Variants in NT5E observed in about 807,000 individuals in gnomAD.
NT5E encodes the protein 5'-nucleotidase ecto.
Under a neutral mutation model 55.1 loss-of-function variants are expected in NT5E, and 53 were observed. The observed-to-expected ratio is 0.96, with a 90% CI of 0.77 to 1.21. NT5E has a LOEUF of 1.21. NT5E is among the 50% of genes most tolerant of loss of function. The pLI, the probability that NT5E is intolerant of heterozygous loss-of-function variation, is 0.00. For synonymous variants in NT5E, 270 were observed against 278.4 expected, an observed-to-expected ratio of 0.97 and a Z score of 0.30; for missense variants, 683 against 724.3, an observed-to-expected ratio of 0.94 and a Z score of 0.65.
At chr6:85,491,260 CT>C in intron 7 of NT5E, 1 of 354,156 alleles carries the variant, frequency 2.8e-6, no homozygotes, top group East Asian at 7.8e-5. Context: ...TTCTGAAACA[CT>C]TTTGTTAATA....
intron 8 of NT5E, among the ~76,000 whole-genome samples, chr6:85,492,968 GCTT>G (rs1455775618): frequency 2.0e-5 from 3 of 152,104 alleles, no homozygotes; most frequent in Non-Finnish European, 4.4e-5. Flanking sequence ...AAAGGTGCTG[GCTT>G]CTTCTGTCCC....
chr6:85,471,778 T>C (rs1315089865), intron 3 of NT5E, among the ~76,000 whole-genome samples: 1 of 152,108 alleles, frequency 6.6e-6, no homozygotes, highest in Non-Finnish European at 1.5e-5. Flanking sequence ...AAAAGCAACA[T>C]GTCATATAAA....
intron 1 of NT5E, among the ~76,000 whole-genome samples, chr6:85,460,937 C>G (rs1195018471): frequency 6.6e-6 from 1 of 152,202 alleles, no homozygotes; most frequent in Admixed American, 6.5e-5. Context: ...ATCCTGCGGT[C>G]TTCCATTAAG....
intron 2 of NT5E, among the ~76,000 whole-genome samples, chr6:85,468,596 G>C (rs769564638): frequency 1.3e-5 from 2 of 152,188 alleles, no homozygotes; most frequent in East Asian, 1.9e-4. Context: ...GAATACATGA[G>C]AGCAGGAAGG....
At chr6:85,457,160 C>G (rs2127754285) in intron 1 of NT5E, among the ~76,000 whole-genome samples, 1 of 152,338 alleles carries the variant, frequency 6.6e-6, no homozygotes, top group Admixed American at 6.5e-5. Flanking sequence ...TTACCGCTGA[C>G]AGCTGAGGCC....
chr6:85,484,389 T>G lies in NT5E; in HGVS notation c.752-846T>G, dbSNP rs116952941. On this transcript the variant is annotated intron_variant, in intron 3 of 8. Transcript: ENST00000257770. ...AAGGCTGGGCTGCCTACTCCCTGTA[T>G]GGCGACACTCTCCACCCTCCTGCAT... Among the ~76,000 whole-genome samples the G allele has an allele frequency of 7.9e-5, 12 of 152,310 alleles. No individual in the cohort carries two copies. The East Asian group carries it at 2.1e-3, about 27-fold the overall frequency.
chr6:85,450,958 A>C lies in NT5E; in HGVS notation c.339+480A>C, dbSNP rs1562133437. The stretch of plus-strand genomic sequence containing the variant: ...TCCCCGCAAAAAGGGAGACGTGATA[A>C]GAATGGACACCAGATCTCTTTGACC... On this transcript the variant is annotated intron_variant, in intron 1 of 8. Transcript: ENST00000257770. The surrounding 1 kb of genome is among the most constrained non-coding windows in gnomAD (Gnocchi z 4.0). Among the ~76,000 whole-genome samples, 1 of 152,258 alleles carries C rather than the reference A, an allele frequency of 6.6e-6. No homozygotes were observed. Among genetic ancestry groups the C allele is most frequent in the Non-Finnish European group, 1.5e-5 (1 of 68,044 alleles).
In NT5E at chr6:85,493,957, T is replaced by A; in HGVS notation, c.1678T>A (p.Leu560Ile). ...AAGTCACTGCCATGGAAGCTTTTCT[T>A]TAATATTTCTTTCACTTTGGGCAGT... The part of the protein sequence containing the change: ...TGSHCHGSFS[L>I]IFLSLWAVIF... Residue 560 changes from leucine to isoleucine, a missense_variant, in exon 9 of 9, where the codon TTA (leucine) becomes ATA (isoleucine). Leu to Ile is a conservative substitution (Grantham distance 5). Coordinates refer to ENST00000257770, the MANE Select transcript of NT5E (RefSeq NM_002526.4). 1 of 1,614,104 alleles carries A rather than the reference T, an allele frequency of 6.2e-7. No homozygotes were observed. Among genetic ancestry groups the A allele is most frequent in the African/African-American group, 1.3e-5 (1 of 75,052 alleles).
intron 5 of NT5E, 29 bp from the exon 6 acceptor site, chr6:85,489,465 A>G (rs920302408): frequency 1.1e-5 from 16 of 1,471,802 alleles, no homozygotes; most frequent in Non-Finnish European, 1.4e-5. Context: ...AGCCAGAGTA[A>G]CTAGTGTAAA....
chr6:85,493,340 T>G (rs1417119785), intron 8 of NT5E, among the ~76,000 whole-genome samples: 1 of 152,106 alleles, frequency 6.6e-6, no homozygotes, highest in African/African-American at 2.4e-5. Context: ...AAAATTCTGT[T>G]GGGTTCCCAA....
intron 3 of NT5E, among the ~76,000 whole-genome samples, chr6:85,472,870 T>C (rs1562140432): frequency 6.6e-6 from 1 of 152,114 alleles, no homozygotes; most frequent in Non-Finnish European, 1.5e-5. Flanking sequence ...AACTGACAGG[T>C]TGTGAAATCA....
chr6:85,453,834 T>G (rs927736978), intron 1 of NT5E, among the ~76,000 whole-genome samples: 4 of 152,330 alleles, frequency 2.6e-5, no homozygotes, highest in Non-Finnish European at 5.9e-5. Context: ...GATGGTCCTT[T>G]GTTCGCCACC....
rs144709340 is a variant in NT5E at position 85,489,837 on chromosome 6, G to T, written c.1210+238G>T. Among the ~76,000 whole-genome samples the T allele has an allele frequency of 3.3e-5, 5 of 152,244 alleles. No individual in the cohort carries two copies. The East Asian group carries it at 7.7e-4, about 24-fold the overall frequency. Reference sequence around the variant, plus strand: ...ATGTATTCACACACAGAAGCTGCAGGTAAGGTTAGTGGAACTCAAACTTGG... The same window carrying T: ...ATGTATTCACACACAGAAGCTGCAGTTAAGGTTAGTGGAACTCAAACTTGG... On this transcript the variant is annotated intron_variant, in intron 6 of 8. Transcript: ENST00000257770.
intron 3 of NT5E, among the ~76,000 whole-genome samples, chr6:85,477,706 ATTAC>A (rs1769464005): frequency 6.6e-6 from 1 of 152,236 alleles, no homozygotes; most frequent in African/African-American, 2.4e-5. Flanking sequence ...AAACAATCTT[ATTAC>A]TTACAACATT....
At chr6:85,462,073 G>C (rs1769109544) in intron 1 of NT5E, among the ~76,000 whole-genome samples, 1 of 152,060 alleles carries the variant, frequency 6.6e-6, no homozygotes, top group African/African-American at 2.4e-5. Context: ...CCAGCCAGCT[G>C]AATATTCCTG....
Position 85,494,695 on chromosome 6 carries a change from T to A in NT5E, c.*691T>A, listed in dbSNP as rs1472537644. The A allele has an allele frequency of 2.0e-5, 3 of 152,592 alleles. No individual in the cohort carries two copies. Among genetic ancestry groups the A allele is most frequent in the Non-Finnish European group, 4.4e-5 (3 of 68,352 alleles). The allele number at this position is 152,592 out of a possible 1,614,324, so 9.5% of individuals were successfully genotyped here. ...TGTTATAATAGCAAGTTTAATGGTA[T>A]AAACACAGGATACCATCCTCTCTTG... On this transcript the variant is annotated 3_prime_UTR_variant, in exon 9 of 9. Transcript: ENST00000257770.
At position 85,494,584 on chromosome 6, in the gene NT5E, C is replaced by T. The variant is rs1364113650; in HGVS notation, c.*580C>T. On this transcript the variant is annotated 3_prime_UTR_variant, in exon 9 of 9. Coordinates refer to ENST00000257770, the MANE Select transcript of NT5E (RefSeq NM_002526.4). ...CTGTTCAGAATACTTAATATCTCCT[C>T]TCTTCATAATTATCAATAGCCCCAA... 1 of 154,296 alleles carries T rather than the reference C, an allele frequency of 6.5e-6. No homozygotes were observed. Among genetic ancestry groups the T allele is most frequent in the African/African-American group, 2.4e-5 (1 of 41,466 alleles). The allele number at this position is 154,296 out of a possible 1,614,324, so 9.6% of individuals were successfully genotyped here.
At chr6:85,487,118 T>G (rs1267590672) in intron 4 of NT5E, among the ~76,000 whole-genome samples, 1 of 152,214 alleles carries the variant, frequency 6.6e-6, no homozygotes, top group Non-Finnish European at 1.5e-5. Flanking sequence ...TGGTAGATGT[T>G]CAGAATATTC....
At chr6:85,471,450 G>A in intron 3 of NT5E, 25 bp downstream of exon 3, 1 of 1,603,440 alleles carries the variant, frequency 6.2e-7, no homozygotes, top group Non-Finnish European at 8.5e-7. Context: ...AGGATTGCAT[G>A]GGCCAGGATG....
Sources: allele counts gnomAD v4.1 joint callset (sites outside exome capture counted in the v4.1 genomes callset), GRCh38; gene constraint gnomAD v4.1.1; non-coding constraint Gnocchi (gnomAD v3.1); transcripts MANE v1.5; gene names NCBI Gene and HGNC (gene_info 2026-07-23, HGNC 2026-07-21).